The following ZSWIM4 variants were observed in gnomAD, a reference collection of about 807,000 sequenced individuals.
ZSWIM4 encodes the protein zinc finger SWIM-type containing 4.
Under a neutral mutation model 102.5 loss-of-function variants are expected in ZSWIM4, and 62 were observed. The observed-to-expected ratio is 0.60, with a 90% confidence interval of 0.49 to 0.75. The LOEUF (loss-of-function observed/expected upper bound fraction) is 0.75, where lower values mean the gene tolerates loss of function less well. ZSWIM4 is among the 30% of genes least tolerant of loss of function. The pLI is 0.00. For missense variants in ZSWIM4, 1,280 were observed against 1,529.6 expected (o/e 0.84, Z 2.72); for synonymous variants, 652 against 674.5 (o/e 0.97, Z 0.52).
rs1345333263 is a variant in ZSWIM4, at chr19:13,830,948, G to A, written c.3219G>A (p.Ala1073=). ...LGKARETFLL[A]PDGHLQFSQF... The stretch of plus-strand genomic sequence containing the variant: ...AGGCCCGGGAGACCTTCCTGCTGGC[G>A]CCCGACGGGCACCTCCAGTTCTCAC... The change falls in exon 14 of 14, where the codon GCG becomes GCA. Residue 1073 remains alanine (A), a synonymous_variant. Coordinates refer to ENST00000590508, the MANE Select transcript of ZSWIM4 (RefSeq NM_001367834.3). 9.3e-6 allele frequency: 15 copies of A among 1,614,046 alleles called. No individual in the cohort carries two copies. Among genetic ancestry groups the A allele is most frequent in the Non-Finnish European group, 3.4e-6 (4 of 1,180,042 alleles).
rs771537847 is a variant in ZSWIM4 at position 13,808,937 on chromosome 19, G to A, written c.814G>A (p.Gly272Ser). 11 of 1,610,342 alleles carry A rather than the reference G, an allele frequency of 6.8e-6. No homozygotes were observed. In the South Asian group the frequency reaches 9.9e-5, roughly 15 times the overall value. Residue 272 changes from glycine (G) to serine (S), a missense_variant, in exon 4 of 14, where the codon GGC becomes AGC. By Grantham distance (56) the Gly-to-Ser change is moderately conservative. Coordinates refer to ENST00000590508, the MANE Select transcript of ZSWIM4 (RefSeq NM_001367834.3). ...QEQVKQLLSN[G>S]GYYGASQQLR... is the part of the protein sequence containing the mutation. ...GCAGGTGAAGCAGCTACTGTCCAAT[G>A]GCGGCTACTACGGGGCCAGCCAGCA... is the stretch of plus-strand genomic sequence containing the variant.
rs760416742 is a variant in ZSWIM4, at chr19:13,830,574, C to T, written c.2845C>T (p.Leu949Phe). The T allele has an allele frequency of 1.9e-6, 3 of 1,599,808 alleles. No individual in the cohort carries two copies. Among genetic ancestry groups the T allele is most frequent in the Non-Finnish European group, 2.5e-6 (3 of 1,179,754 alleles). Residue 949 changes from leucine (L) to phenylalanine (F), a missense_variant, in exon 14 of 14, where the codon CTC (leucine) becomes TTC (phenylalanine). Transcript: ENST00000590508. The stretch of plus-strand genomic sequence containing the variant: ...GCTGGCGACGCTGGCCCTGGCGCAG[C>T]TCAGCATCGCCTTCAACCAGGACAG... ...YKLATLALAQ[L>F]SIAFNQDSHP...
intron 10 of ZSWIM4, among the ~76,000 whole-genome samples, chr19:13,821,723 A>T (rs921740123): frequency 2.8e-4 from 42 of 147,514 alleles, no homozygotes; most frequent in African/African-American, 1.0e-3. Context: ...CTAGTTTTAA[A>T]TTTTTTTTTT....
chr19:13,808,720 G>T (rs2145288733), intron 3 of ZSWIM4, 116 bp from the exon 4 acceptor site: 1 of 1,143,152 alleles, frequency 8.7e-7, no homozygotes, highest in Non-Finnish European at 1.2e-6. Flanking sequence ...GCCTGGGCAA[G>T]AAGAGCCAAA....
chr19:13,814,677 A>G lies in ZSWIM4; in HGVS notation c.1343A>G (p.Lys448Arg). The G allele has an allele frequency of 7.8e-7, 1 of 1,282,440 alleles. No homozygotes were observed. The highest frequency in any genetic ancestry group is 1.2e-5 in the South Asian group (1 of 80,414). The allele number at this position is 1,282,440 out of a possible 1,614,324, so 79.4% of individuals were successfully genotyped here. Residue 448 changes from lysine (K) to arginine (R), a missense_variant, in exon 7 of 14, where the codon AAA becomes AGA. Lys to Arg is a conservative substitution (Grantham distance 26). Coordinates refer to ENST00000590508, the MANE Select transcript of ZSWIM4 (RefSeq NM_001367834.3). ...CTCACAGGCAGCGTGGGTGGGGACA[A>G]ACCGACTTTCGACCCCCAGGGCCGC... Reference protein sequence around the residue: ...PSLTGSVGGDKPTFDPQGRPL... With the variant: ...PSLTGSVGGDRPTFDPQGRPL...
At position 13,825,495 on chromosome 19, in the gene ZSWIM4, A is replaced by G. The variant is rs532395662; in HGVS notation, c.2216-55A>G. ...TGTGTGAACAGGTCGGGTGGTGGTC[A>G]GAGGCTGGTGCTGAGGTGTATCCGA... On this transcript the variant is annotated intron_variant, in intron 11 of 13. Coordinates refer to ENST00000590508, the MANE Select transcript of ZSWIM4 (RefSeq NM_001367834.3). The surrounding 1 kb of genome is among the most constrained non-coding windows in gnomAD (Gnocchi z 4.6). 42 of 1,583,482 alleles carry G rather than the reference A, an allele frequency of 2.7e-5. No individual in the cohort carries two copies. In the African/African-American group the frequency reaches 5.5e-4, roughly 21 times the overall value.
chr19:13,819,575 ATC>A, intron 10 of ZSWIM4, 83 bp downstream of exon 10: 1 of 1,496,434 alleles, frequency 6.7e-7, no homozygotes. Flanking sequence ...AGCCCCACCC[ATC>A]CAGCCTGAAC....
At chr19:13,820,165 A>G (rs1315288453) in intron 10 of ZSWIM4, among the ~76,000 whole-genome samples, 2 of 152,076 alleles carry the variant, frequency 1.3e-5, no homozygotes, top group Non-Finnish European at 2.9e-5. Flanking sequence ...CCAAAGTGCT[A>G]GGATTACAGG....
chr19:13,804,011 G>A (rs1448463463), intron 2 of ZSWIM4, among the ~76,000 whole-genome samples: 29 of 149,120 alleles, frequency 1.9e-4, no homozygotes, highest in Non-Finnish European at 2.8e-4. Context: ...ACAGGCGCCC[G>A]CCACCATGCC....
At chr19:13,801,932 G>A (rs1974780863) in intron 2 of ZSWIM4, among the ~76,000 whole-genome samples, 1 of 148,182 alleles carries the variant, frequency 6.7e-6, no homozygotes, top group Admixed American at 6.8e-5. Context: ...GCCTCCCAAA[G>A]TGCTGGGATT....
chr19:13,795,942 A>C, intron 1 of ZSWIM4, 141 bp downstream of exon 1: 1 of 451,744 alleles, frequency 2.2e-6, no homozygotes, highest in Non-Finnish European at 3.3e-6. Flanking sequence ...AGGACCCTTA[A>C]CCCTGCCTGG....
chr19:13,819,488 A>G lies in ZSWIM4; in HGVS notation c.2056A>G (p.Met686Val), dbSNP rs1433750245. ...GGCCTATCGCCTCGCGCTGCGAGCT[A>G]TGAGGTGAGGATAGGTGGCCAAGGC... is the stretch of plus-strand genomic sequence containing the variant. ...DLAYRLALRAMRLPILETAFP... is the reference protein window; with the variant it reads ...DLAYRLALRAVRLPILETAFP... Residue 686 changes from methionine (M) to valine (V), a missense_variant, in exon 10 of 14, where the codon ATG becomes GTG. Coordinates refer to ENST00000590508, the MANE Select transcript of ZSWIM4 (RefSeq NM_001367834.3). 1 of 1,527,082 alleles carries G rather than the reference A, an allele frequency of 6.5e-7. No individual in the cohort carries two copies. The highest frequency in any genetic ancestry group is 1.8e-5 in the Admixed American group (1 of 55,356). 94.6% of individuals were successfully genotyped at this position (1,527,082 alleles called of 1,614,324 possible). A position where few individuals can be genotyped will look rare whatever the true frequency, so the allele number is the denominator to read the frequency against.
intron 9 of ZSWIM4, among the ~76,000 whole-genome samples, chr19:13,818,983 C>G (rs910952554): frequency 6.6e-6 from 1 of 152,134 alleles, no homozygotes; most frequent in Non-Finnish European, 1.5e-5. Context: ...CTGCCTCAGC[C>G]TCCCGAGTAG....
chr19:13,822,131 A>C (rs1156941695), intron 10 of ZSWIM4, among the ~76,000 whole-genome samples: 1 of 149,220 alleles, frequency 6.7e-6, no homozygotes, highest in Non-Finnish European at 1.5e-5. Flanking sequence ...GCCTTGGCCC[A>C]TCTCTTTAAA....
In ZSWIM4 at chr19:13,823,497, A is replaced by G; in HGVS notation, c.2212A>G (p.Lys738Glu). Reference protein sequence around the residue: ...ELASTMLTAAKGDPKWLHTVL... With the variant: ...ELASTMLTAAEGDPKWLHTVL... ...GGCTTCCACCATGTTGACGGCCGCC[A>G]AGGGTGAGGCTGGCAGCTGTCCCGA... is the stretch of plus-strand genomic sequence containing the variant. The change falls in exon 11 of 14, where the codon AAG becomes GAG. Residue 738 changes from lysine (K) to glutamate (E), a missense_variant. Coordinates refer to ENST00000590508, the MANE Select transcript of ZSWIM4 (RefSeq NM_001367834.3). 1 of 1,567,654 alleles carries G rather than the reference A, an allele frequency of 6.4e-7. No homozygotes were observed. Among genetic ancestry groups the G allele is most frequent in the Non-Finnish European group, 8.7e-7 (1 of 1,155,824 alleles).
intron 2 of ZSWIM4, among the ~76,000 whole-genome samples, chr19:13,801,636 G>A (rs1974772698): frequency 6.6e-6 from 1 of 152,072 alleles, no homozygotes; most frequent in African/African-American, 2.4e-5. Flanking sequence ...AGGCAACAGG[G>A]CTGAGGTGGG....
chr19:13,818,987 C>T (rs942487571), intron 9 of ZSWIM4, among the ~76,000 whole-genome samples: 3 of 152,070 alleles, frequency 2.0e-5, no homozygotes, highest in Admixed American at 2.0e-4. Context: ...CTCAGCCTCC[C>T]GAGTAGCTGG....
At chr19:13,820,891 A>C (rs1243601750) in intron 10 of ZSWIM4, among the ~76,000 whole-genome samples, 1 of 151,528 alleles carries the variant, frequency 6.6e-6, no homozygotes, top group Non-Finnish European at 1.5e-5. Flanking sequence ...GGAAGCTGAT[A>C]GACATTTACG....
At position 13,823,428 on chromosome 19, in the gene ZSWIM4, CG is replaced by C; in HGVS notation, c.2144del (p.Arg715ProfsTer20). ...CTCCATCATGAGCAACCGCTTCCCC[CG>C]CTGGTTCATCCTTGGCCACCTGGAG... ...LDSIMSNRFP[R>X]WFILGHLETR... On this transcript the variant is annotated frameshift_variant, in exon 11 of 14. Transcript: ENST00000590508. LOFTEE classifies it high-confidence loss of function. 6.2e-7 allele frequency: 1 copy of C among 1,605,590 alleles called. No homozygotes were observed. Among genetic ancestry groups the C allele is most frequent in the Non-Finnish European group, 8.5e-7 (1 of 1,175,568 alleles).
Sources: gnomAD v4.1 joint callset for allele counts (sites outside exome capture counted in the v4.1 genomes callset) on GRCh38, gnomAD v4.1.1 for gene constraint, Gnocchi (gnomAD v3.1) non-coding constraint, MANE v1.5 for transcripts, NCBI Gene and HGNC (gene_info 2026-07-23, HGNC 2026-07-21) for gene names.